Variants in PTPRG observed in about 807,000 individuals in gnomAD.
PTPRG encodes the protein receptor-type tyrosine-protein phosphatase gamma.
In PTPRG, 102 loss-of-function variants were observed where a neutral mutation model predicts 165.3. The observed-to-expected ratio is 0.62, with a 90% CI of 0.53 to 0.73. PTPRG has a LOEUF of 0.73. PTPRG is among the 30% of genes least tolerant of loss of function. The probability of loss-of-function intolerance (pLI) is 0.00; values close to 1 mark genes in which losing one functional copy is unlikely to be tolerated. For synonymous variants in PTPRG, 675 were observed against 669.5 expected (o/e 1.01, Z -0.13); for missense variants, 1,866 against 1,861.4 (o/e 1.00, Z -0.05).
intron 2 of PTPRG, among the ~76,000 whole-genome samples, chr3:61,942,157 A>T (rs1000016007): frequency 2.9e-5 from 2 of 68,424 alleles, no homozygotes; most frequent in Non-Finnish European, 2.8e-5. Context: ...GACTCTGTCT[A>T]AAAAAAAAAA....
chr3:61,743,385 C>CA (rs2033078811), intron 1 of PTPRG, among the ~76,000 whole-genome samples: 1 of 152,270 alleles, frequency 6.6e-6, no homozygotes, highest in African/African-American at 2.4e-5. Context: ...TCGAGAGACT[C>CA]AGATTTTCCT....
At chr3:62,138,153 A>G (rs1703784606) in intron 6 of PTPRG, among the ~76,000 whole-genome samples, 1 of 152,168 alleles carries the variant, frequency 6.6e-6, no homozygotes, top group Non-Finnish European at 1.5e-5. Context: ...TTTACAACCC[A>G]TTTTGGACTC....
intron 7 of PTPRG, among the ~76,000 whole-genome samples, chr3:62,167,200 GT>G (rs774711626): frequency 3.3e-5 from 5 of 152,060 alleles, no homozygotes; most frequent in African/African-American, 4.8e-5. Flanking sequence ...GTATTATTAC[GT>G]GTTTTACAGT....
At chr3:62,096,825 A>G (rs1702136040) in intron 5 of PTPRG, among the ~76,000 whole-genome samples, 1 of 152,204 alleles carries the variant, frequency 6.6e-6, no homozygotes, top group Non-Finnish European at 1.5e-5. Context: ...TAAAAGAACA[A>G]ATTAGGTGGA....
At chr3:61,779,762 G>A (rs973998372) in intron 2 of PTPRG, among the ~76,000 whole-genome samples, 1 of 152,110 alleles carries the variant, frequency 6.6e-6, no homozygotes, top group Admixed American at 6.6e-5. Flanking sequence ...TTATTTTCAA[G>A]CACTTATATT....
chr3:62,147,176 G>A (rs1263081321), intron 6 of PTPRG, among the ~76,000 whole-genome samples: 1 of 152,172 alleles, frequency 6.6e-6, no homozygotes, highest in African/African-American at 2.4e-5. Flanking sequence ...AGCAGGGCCT[G>A]GCACCCAGTT....
chr3:62,256,954 A>G (rs1245348811), intron 16 of PTPRG, among the ~76,000 whole-genome samples: 1 of 152,216 alleles, frequency 6.6e-6, no homozygotes, highest in Admixed American at 6.5e-5. Flanking sequence ...AAAAGCTTTA[A>G]TCGCCTACAT....
At chr3:61,848,167 C>CAG (rs1374744127) in intron 2 of PTPRG, among the ~76,000 whole-genome samples, 1 of 152,194 alleles carries the variant, frequency 6.6e-6, no homozygotes, top group Non-Finnish European at 1.5e-5. Context: ...CCTGGAGTGC[C>CAG]TCATGCTACA....
intron 2 of PTPRG, among the ~76,000 whole-genome samples, chr3:61,755,753 G>T (rs1278768059): frequency 6.6e-6 from 1 of 152,210 alleles, no homozygotes; most frequent in Non-Finnish European, 1.5e-5. Context: ...TGGTCGGGTG[G>T]AGAAAGTTAA....
At chr3:62,040,774 G>A (rs1026868998) in intron 4 of PTPRG, among the ~76,000 whole-genome samples, 5 of 152,300 alleles carry the variant, frequency 3.3e-5, no homozygotes, top group Admixed American at 6.5e-5. Flanking sequence ...ATAGAGCACC[G>A]GAGTATAGGA....
At chr3:61,631,651 A>G (rs1021786486) in intron 1 of PTPRG, among the ~76,000 whole-genome samples, 4 of 152,204 alleles carry the variant, frequency 2.6e-5, no homozygotes, top group Non-Finnish European at 2.9e-5. Context: ...TTTGTTATAT[A>G]AAAATCCATG....
rs549045447 is a variant in PTPRG, at chr3:61,676,150, C to G, written c.86-72728C>G. 3.9e-5 allele frequency among the ~76,000 whole-genome samples: 6 copies of G among 152,166 alleles called. No homozygotes were observed. In the South Asian group the frequency reaches 8.3e-4, roughly 21 times the overall value. ...AGTTAACAAAACAATCATGAAAAAT[C>G]TTTGTTTAGAAAGTTACTAAAGTCT... On this transcript the variant is annotated intron_variant, in intron 1 of 29. Coordinates refer to ENST00000474889, the MANE Select transcript of PTPRG (RefSeq NM_002841.4).
intron 4 of PTPRG, among the ~76,000 whole-genome samples, chr3:62,019,091 A>G (rs537648422): frequency 6.6e-6 from 1 of 152,206 alleles, no homozygotes; most frequent in Non-Finnish European, 1.5e-5. Flanking sequence ...ACCCAGGCTA[A>G]CAGCAGGAGC....
At chr3:61,973,957 T>C (rs775563835) in intron 2 of PTPRG, among the ~76,000 whole-genome samples, 12 of 152,136 alleles carry the variant, frequency 7.9e-5, no homozygotes, top group Non-Finnish European at 1.5e-4. Flanking sequence ...CTTGATAATG[T>C]ACATAGACTA....
rs150154324 is a variant in PTPRG at position 62,281,703 on chromosome 3, T to A, written c.3906T>A (p.Ala1302=). 48 of 1,611,038 alleles carry A rather than the reference T, an allele frequency of 3.0e-5. No individual in the cohort carries two copies. The highest frequency in any genetic ancestry group is 4.0e-5 in the Non-Finnish European group (47 of 1,178,388). The change falls in exon 27 of 30, where the codon GCT becomes GCA. Residue 1302 remains alanine (A), a synonymous_variant. Transcript: ENST00000474889. ...QIIIHDFILE[A]TQDDYVLEVR... The stretch of plus-strand genomic sequence containing the variant: ...TCATCCATGACTTTATCCTTGAAGC[T>A]ACACAGGTAACCTAAACCTCAGTTC...
chr3:61,673,480 A>G (rs1220516808), intron 1 of PTPRG, among the ~76,000 whole-genome samples: 3 of 152,218 alleles, frequency 2.0e-5, no homozygotes, highest in South Asian at 2.1e-4. Flanking sequence ...ATATATTTCA[A>G]TGCTATTATT....
At chr3:61,857,628 A>G (rs954829167) in intron 2 of PTPRG, among the ~76,000 whole-genome samples, 2 of 152,192 alleles carry the variant, frequency 1.3e-5, no homozygotes, top group Non-Finnish European at 2.9e-5. Context: ...TTGAGATCCT[A>G]TATATCACAA....
At chr3:62,099,359 C>T (rs781074747) in intron 5 of PTPRG, among the ~76,000 whole-genome samples, 1 of 152,052 alleles carries the variant, frequency 6.6e-6, no homozygotes, top group Non-Finnish European at 1.5e-5. Context: ...GTATTTTAGG[C>T]CTGAAAATTA....
chr3:61,848,455 T>C (rs1479830488), intron 2 of PTPRG, among the ~76,000 whole-genome samples: 1 of 152,324 alleles, frequency 6.6e-6, no homozygotes, highest in Admixed American at 6.5e-5. Context: ...TAAAGGAAAA[T>C]GCTGAAGGAA....
Sources: gnomAD v4.1 joint callset for allele counts (sites outside exome capture counted in the v4.1 genomes callset) on GRCh38, gnomAD v4.1.1 for gene constraint, MANE v1.5 for transcripts, NCBI Gene and HGNC (gene_info 2026-07-23, HGNC 2026-07-21) for gene names.